Variants in KIRREL3 observed in about 807,000 individuals in gnomAD.
KIRREL3 encodes the protein kirre like nephrin family adhesion molecule 3, also known as kin of IRRE-like protein 3.
A neutral mutation model predicts 89.7 loss-of-function variants in KIRREL3; 36 were observed. The observed-to-expected ratio is 0.40, with a 90% CI of 0.31 to 0.53. The LOEUF (loss-of-function observed/expected upper bound fraction) is 0.53. KIRREL3 is among the 20% of genes least tolerant of loss of function. The pLI is 0.49. For missense variants in KIRREL3, 864 were observed against 1,056.6 expected (o/e 0.82, Z 2.53); for synonymous variants, 445 against 441.4 (o/e 1.01, Z -0.10).
chr11:126,458,408 GAGTCATAC>G (rs146874514), intron 6 of KIRREL3, among the ~76,000 whole-genome samples: 18,499 of 152,132 alleles, frequency 0.12, 1,366 homozygotes, highest in East Asian at 0.25. Flanking sequence ...GACCCTCAGA[GAGTCATAC>G]AGTCATGCAC....
chr11:126,794,391 C>T (rs911738190), intron 1 of KIRREL3, among the ~76,000 whole-genome samples: 3 of 152,124 alleles, frequency 2.0e-5, no homozygotes, highest in Admixed American at 2.0e-4. Flanking sequence ...AGGCAGAAGA[C>T]CAGATGCCAG....
At chr11:126,726,192 CT>C (rs1398047882) in intron 1 of KIRREL3, among the ~76,000 whole-genome samples, 1 of 152,134 alleles carries the variant, frequency 6.6e-6, no homozygotes, top group Non-Finnish European at 1.5e-5. Flanking sequence ...TATGGACTTT[CT>C]TGTTTCTTAA....
intron 1 of KIRREL3, among the ~76,000 whole-genome samples, chr11:126,809,501 G>T (rs1442623422): frequency 2.6e-5 from 4 of 152,200 alleles, no homozygotes; most frequent in African/African-American, 9.7e-5. Context: ...AATAATAAGG[G>T]TTATAAGTAA....
At position 126,576,383 on chromosome 11, in the gene KIRREL3, A is replaced by G. The variant is rs1456548143; in HGVS notation, c.56-13471T>C. Among the ~76,000 whole-genome samples, 2 of 152,156 alleles carry G rather than the reference A, an allele frequency of 1.3e-5. No individual in the cohort carries two copies. The highest frequency in any genetic ancestry group is 2.4e-5 in the African/African-American group (1 of 41,430). On this transcript the variant is annotated intron_variant, in intron 1 of 16. Transcript: ENST00000525144. This position sits in a 1 kb window ranked among gnomAD's most constrained non-coding sequence, Gnocchi z 5.4. ...TTCATTCTCATTCATTCATTCATTC[A>G]TTCAAGGAGAGCTCACTCTGTGTCA...
chr11:126,921,513 C>A (rs541025427), intron 1 of KIRREL3, among the ~76,000 whole-genome samples: 4 of 150,290 alleles, frequency 2.7e-5, no homozygotes, highest in Admixed American at 2.7e-4. Context: ...TATCTGTAAT[C>A]TATCTATCTG....
Position 126,615,559 on chromosome 11 carries a change from G to A in KIRREL3, c.56-52647C>T, listed in dbSNP as rs143206731. 0.012 allele frequency among the ~76,000 whole-genome samples: 1,871 copies of A among 152,232 alleles called. 31 individuals are homozygous for A. Among genetic ancestry groups the A allele is most frequent in the African/African-American group, 0.042 (1,748 of 41,524 alleles). Reference sequence around the variant, plus strand: ...TAACCATCCTGCCCACCAGGATCCTGGAGGTATTCAAGCTGAAGATAGACA... The same window carrying A: ...TAACCATCCTGCCCACCAGGATCCTAGAGGTATTCAAGCTGAAGATAGACA... On this transcript the variant is annotated intron_variant, in intron 1 of 16. Transcript: ENST00000525144. This position sits in a 1 kb window ranked among gnomAD's most constrained non-coding sequence, Gnocchi z 5.4.
intron 4 of KIRREL3, among the ~76,000 whole-genome samples, chr11:126,493,427 G>A (rs1397892018): frequency 1.3e-5 from 2 of 151,340 alleles, no homozygotes; most frequent in East Asian, 2.0e-4. Context: ...AGGCTGAGGC[G>A]GATGGATCAC....
rs1949957022 is a variant in KIRREL3, at chr11:126,769,620, A to T, written c.56-206708T>A. On this transcript the variant is annotated intron_variant, in intron 1 of 16. Coordinates refer to ENST00000525144, the MANE Select transcript of KIRREL3 (RefSeq NM_032531.4). The surrounding 1 kb of genome is among the most constrained non-coding windows in gnomAD (Gnocchi z 4.3). The stretch of plus-strand genomic sequence containing the variant: ...CTGTCTTTCAAGCCTTCTTTCCTTC[A>T]TTTAGCAACTTTTAATTAAATGATT... Among the ~76,000 whole-genome samples the T allele has an allele frequency of 6.6e-6, 1 of 152,196 alleles. No individual in the cohort carries two copies. The highest frequency in any genetic ancestry group is 6.5e-5 in the Admixed American group (1 of 15,286).
Position 126,697,778 on chromosome 11 carries a change from C to G in KIRREL3, c.56-134866G>C, listed in dbSNP as rs1217413087. Among the ~76,000 whole-genome samples, 1 of 152,204 alleles carries G rather than the reference C, an allele frequency of 6.6e-6. No individual in the cohort carries two copies. Among genetic ancestry groups the G allele is most frequent in the African/African-American group, 2.4e-5 (1 of 41,446 alleles). On this transcript the variant is annotated intron_variant, in intron 1 of 16. Transcript: ENST00000525144. The surrounding 1 kb of genome is among the most constrained non-coding windows in gnomAD (Gnocchi z 4.2). Reference sequence around the variant, plus strand: ...TCCCATGATTGCTCTGATCACCTCCCTATTATTGGATATTAATCAAGTCCT... The same window carrying G: ...TCCCATGATTGCTCTGATCACCTCCGTATTATTGGATATTAATCAAGTCCT...
At chr11:126,880,764 T>C (rs925810851) in intron 1 of KIRREL3, among the ~76,000 whole-genome samples, 3 of 152,156 alleles carry the variant, frequency 2.0e-5, no homozygotes, top group African/African-American at 7.2e-5. Flanking sequence ...CTAAATTATA[T>C]TGCCAAGTTT....
intron 1 of KIRREL3, among the ~76,000 whole-genome samples, chr11:126,826,059 C>T (rs10750348): frequency 0.86 from 131,012 of 151,800 alleles, 56,884 homozygotes; most frequent in East Asian, 1. Context: ...CTCCTAGTCA[C>T]TCATCAGATG....
In KIRREL3 at chr11:126,783,901, G is replaced by A. The variant is rs538303978; in HGVS notation, c.55+216554C>T. On this transcript the variant is annotated intron_variant, in intron 1 of 16. Coordinates refer to ENST00000525144, the MANE Select transcript of KIRREL3 (RefSeq NM_032531.4). The surrounding 1 kb of genome is among the most constrained non-coding windows in gnomAD (Gnocchi z 4.3). The stretch of plus-strand genomic sequence containing the variant: ...GGTGAGCAAGGTTGGCAGCAACAGT[G>A]ATGTGCCATGTTGATAGCACACACC... Among the ~76,000 whole-genome samples the A allele has an allele frequency of 3.9e-5, 6 of 152,334 alleles. No individual in the cohort carries two copies. The highest frequency in any genetic ancestry group is 1.9e-4 in the East Asian group (1 of 5,184).
intron 1 of KIRREL3, among the ~76,000 whole-genome samples, chr11:126,966,460 C>A (rs1289367891): frequency 1.3e-5 from 2 of 152,152 alleles, no homozygotes; most frequent in Non-Finnish European, 2.9e-5. Flanking sequence ...TTTCTCCCTC[C>A]TATCCTTGCT....
intron 8 of KIRREL3, among the ~76,000 whole-genome samples, chr11:126,448,279 C>T (rs78720183): frequency 1.0e-5 from 1 of 95,384 alleles, no homozygotes. Flanking sequence ...GAGACTGTCT[C>T]AAAAAAAAAA....
chr11:126,913,007 C>T (rs577693622), intron 1 of KIRREL3, among the ~76,000 whole-genome samples: 52 of 152,354 alleles, frequency 3.4e-4, no homozygotes, highest in Non-Finnish European at 6.5e-4. Context: ...CTCAGCTGAG[C>T]ACACGTAGTT....
rs1950353809 is a variant in KIRREL3, at chr11:126,782,376, AT to A, written c.55+218078del. Among the ~76,000 whole-genome samples the A allele has an allele frequency of 6.6e-6, 1 of 152,262 alleles. No individual in the cohort carries two copies. The highest frequency in any genetic ancestry group is 1.5e-5 in the Non-Finnish European group (1 of 68,054). On this transcript the variant is annotated intron_variant, in intron 1 of 16. Transcript: ENST00000525144. This position sits in a 1 kb window ranked among gnomAD's most constrained non-coding sequence, Gnocchi z 4.1. ...GGCTTATTCAGACTAATACAAAGAT[AT>A]AACTAACTGATAGCAGTTCCCTTTG... is the stretch of plus-strand genomic sequence containing the variant.
chr11:126,603,277 C>G (rs1271299898), intron 1 of KIRREL3, among the ~76,000 whole-genome samples: 1 of 152,222 alleles, frequency 6.6e-6, no homozygotes, highest in East Asian at 1.9e-4. Context: ...GGGGCTCATG[C>G]CAGCCTCGGT....
intron 1 of KIRREL3, among the ~76,000 whole-genome samples, chr11:126,691,980 C>G (rs972029778): frequency 6.6e-6 from 1 of 152,172 alleles, no homozygotes; most frequent in African/African-American, 2.4e-5. Flanking sequence ...TCACCTCACA[C>G]CCATTACGAT....
chr11:126,583,558 G>A (rs1363816939), intron 1 of KIRREL3, among the ~76,000 whole-genome samples: 2 of 152,182 alleles, frequency 1.3e-5, no homozygotes, highest in African/African-American at 4.8e-5. Context: ...GACGGGATGC[G>A]CTGTGGAGTT....
Sources: gnomAD v4.1 joint callset for allele counts (sites outside exome capture counted in the v4.1 genomes callset) on GRCh38, gnomAD v4.1.1 for gene constraint, Gnocchi (gnomAD v3.1) non-coding constraint, MANE v1.5 for transcripts, NCBI Gene and HGNC (gene_info 2026-07-23, HGNC 2026-07-21) for gene names.